CCDC73: variants seen among roughly 807,000 people sequenced by gnomAD.
CCDC73 encodes coiled-coil domain-containing protein 73.
In CCDC73, 95 loss-of-function variants were observed where a neutral mutation model predicts 116.5. The ratio of observed to expected loss-of-function variants is 0.82; its 90% CI spans 0.69 to 0.97. CCDC73 has a LOEUF of 0.97. Among genes scored for constraint, CCDC73 ranks in the 50% least tolerant of loss-of-function variants. The pLI, the probability that CCDC73 is intolerant of heterozygous loss-of-function variation, is 0.00. For missense variants in CCDC73, 1,066 were observed against 1,206.8 expected, an observed-to-expected ratio of 0.88 and a Z score of 1.73; for synonymous variants, 398 against 401.3, an observed-to-expected ratio of 0.99 and a Z score of 0.10.
chr11:32,711,083 A>G (rs1440719543), intron 3 of CCDC73, among the ~76,000 whole-genome samples: 1 of 152,200 alleles, frequency 6.6e-6, no homozygotes, highest in East Asian at 1.9e-4. Flanking sequence ...AATCAAAACC[A>G]CAATGTGATA....
intron 12 of CCDC73, among the ~76,000 whole-genome samples, chr11:32,643,913 C>T (rs1436239098): frequency 1.3e-5 from 2 of 152,012 alleles, no homozygotes; most frequent in African/African-American, 4.8e-5. Context: ...TAACACTTAG[C>T]TTAAAACACA....
chr11:32,819,659 T>C, the CCDC73 span, among the ~76,000 whole-genome samples: 5 of 152,088 alleles, frequency 3.3e-5, no homozygotes, highest in Non-Finnish European at 7.4e-5. Context: ...CAGAGTTTTG[T>C]CATGTTGCCA....
chr11:32,722,159 A>G (rs1849995576), intron 2 of CCDC73, among the ~76,000 whole-genome samples: 1 of 152,164 alleles, frequency 6.6e-6, no homozygotes, highest in Non-Finnish European at 1.5e-5. Context: ...GATTCTGCTC[A>G]TCTTTCCATT....
chr11:32,674,147 G>A (rs1856063877), intron 9 of CCDC73, among the ~76,000 whole-genome samples: 1 of 152,152 alleles, frequency 6.6e-6, no homozygotes, highest in African/African-American at 2.4e-5. Context: ...TAGATCTGGA[G>A]GGGCAAACAG....
At chr11:32,704,541 C>T (rs988772270) in intron 3 of CCDC73, among the ~76,000 whole-genome samples, 2 of 152,154 alleles carry the variant, frequency 1.3e-5, no homozygotes, top group East Asian at 3.9e-4. Flanking sequence ...CCCACAGGTG[C>T]CCCTTGGGAT....
At chr11:32,825,109 T>C in the CCDC73 span, among the ~76,000 whole-genome samples, 1 of 151,808 alleles carries the variant, frequency 6.6e-6, no homozygotes, top group Non-Finnish European at 1.5e-5. Flanking sequence ...AAAACAAAAC[T>C]CTCAGTTTAC....
At chr11:32,625,530 C>G (rs1855562541) in intron 14 of CCDC73, among the ~76,000 whole-genome samples, 1 of 152,090 alleles carries the variant, frequency 6.6e-6, no homozygotes, top group African/African-American at 2.4e-5. Context: ...ATTTCTCCTT[C>G]ACTTATGAAG....
Position 32,613,799 on chromosome 11 carries a change from A to C in CCDC73, c.2519T>G (p.Leu840Ter). The part of the protein sequence containing the change: ...VSINERQHTL[L>*]NNTEKTESLN... ...TGATTCTGTTTTCTCTGTATTATTTAACAATGTATGCTGTCTTTCATTAAT... is the reference window on the plus strand; with the variant it reads ...TGATTCTGTTTTCTCTGTATTATTTCACAATGTATGCTGTCTTTCATTAAT... Residue 840 changes from leucine to a stop codon, truncating the protein, a stop_gained, in exon 16 of 18, where the codon TTA becomes TGA. Coordinates refer to ENST00000335185, the MANE Select transcript of CCDC73 (RefSeq NM_001008391.4). LOFTEE classifies it high-confidence loss of function. The C allele has an allele frequency of 6.2e-7, 1 of 1,613,838 alleles. No individual in the cohort carries two copies. Among genetic ancestry groups the C allele is most frequent in the Non-Finnish European group, 8.5e-7 (1 of 1,179,950 alleles).
chr11:32,670,521 CAAA>C (rs11334231), intron 9 of CCDC73, among the ~76,000 whole-genome samples: 13 of 138,604 alleles, frequency 9.4e-5, no homozygotes, highest in Admixed American at 1.4e-4. Flanking sequence ...GGCTCTGTCT[CAAA>C]AAAAAAAAAA....
chr11:32,613,926 T>A lies in CCDC73; in HGVS notation c.2392A>T (p.Met798Leu). ...QAKDVKTAVH[M>L]KTCTETEFSN... ...AACTCTGTTTCTGTGCAAGTTTTCA[T>A]GTGAACAGCAGTTTTCACATCTTTG... The change falls in exon 16 of 18, where the codon ATG becomes TTG. Residue 798 changes from methionine to leucine, a missense_variant. By Grantham distance (15) the Met-to-Leu change is conservative. Transcript: ENST00000335185. The A allele has an allele frequency of 6.2e-7, 1 of 1,612,334 alleles. No homozygotes were observed. Among genetic ancestry groups the A allele is most frequent in the Non-Finnish European group, 8.5e-7 (1 of 1,179,926 alleles).
chr11:32,770,198 G>A (rs1043537504), intron 1 of CCDC73, among the ~76,000 whole-genome samples: 7 of 152,144 alleles, frequency 4.6e-5, no homozygotes, highest in African/African-American at 1.7e-4. Flanking sequence ...TCTTCACATG[G>A]TTTTCACCCC....
intron 2 of CCDC73, among the ~76,000 whole-genome samples, chr11:32,749,617 T>G (rs929385150): frequency 5.3e-5 from 8 of 152,000 alleles, no homozygotes; most frequent in Admixed American, 2.6e-4. Flanking sequence ...AGTGGGGTAT[T>G]TTTTGTAGTC....
At chr11:32,754,971 T>C (rs1453470468) in intron 2 of CCDC73, among the ~76,000 whole-genome samples, 1 of 138,464 alleles carries the variant, frequency 7.2e-6, no homozygotes, top group Admixed American at 7.9e-5. Flanking sequence ...CACTGCAACC[T>C]CTGTCTCCCG....
rs528158857 is a variant in CCDC73, at chr11:32,765,835, A to C, written c.-15-5577T>G. On this transcript the variant is annotated intron_variant, in intron 1 of 17. Transcript: ENST00000335185. ...AATTAAGAGCCTACCAAACAAAAAA[A>C]CTCCAGGACCAGATGGATTCACAGC... Among the ~76,000 whole-genome samples, 169 of 152,244 alleles carry C rather than the reference A, an allele frequency of 1.1e-3. 5 individuals are homozygous for C. Among genetic ancestry groups the C allele is most frequent in the Admixed American group, 3.3e-4 (5 of 15,282 alleles).
At position 32,675,747 on chromosome 11, in the gene CCDC73, G is replaced by T. The variant is rs191297741; in HGVS notation, c.566-103C>A. 7.2e-4 allele frequency: 839 copies of T among 1,167,498 alleles called. 8 individuals carry two copies. Among genetic ancestry groups the T allele is most frequent in the Middle Eastern group, 7.1e-3 (33 of 4,674 alleles). 72.3% of individuals were successfully genotyped at this position (1,167,498 alleles called of 1,614,324 possible). Reference sequence around the variant, plus strand: ...AAAACAGTAACAATGCAATATATATGTTATTTAATTTAGGTAACAGTTATT... The same window carrying T: ...AAAACAGTAACAATGCAATATATATTTTATTTAATTTAGGTAACAGTTATT... On this transcript the variant is annotated intron_variant, in intron 8 of 17. Coordinates refer to ENST00000335185, the MANE Select transcript of CCDC73 (RefSeq NM_001008391.4).
In CCDC73 at chr11:32,676,010, G is replaced by C. The variant is rs184519338; in HGVS notation, c.441C>G (p.Val147=). 1.4e-4 allele frequency: 220 copies of C among 1,593,314 alleles called. No individual in the cohort carries two copies. The African/African-American group carries it at 2.4e-3, about 18-fold the overall frequency. ...CTTCTTTAGCCAGAAGATGTAACTG[G>C]ACCTTTTGTTCCTATTTTGAAGAGT... ...QKKVSEMEQK[V]QLHLLAKEDY... Residue 147 remains valine (V), a synonymous_variant, in exon 8 of 18, where the codon GTC becomes GTG. Coordinates refer to ENST00000335185, the MANE Select transcript of CCDC73 (RefSeq NM_001008391.4).
In CCDC73 at chr11:32,676,034, G is replaced by A. The variant is rs544425664; in HGVS notation, c.430-13C>T. Reference sequence around the variant, plus strand: ...GGACCTTTTGTTCCTATTTTGAAGAGTAATTTTAAATGTTATACATATAAC... The same window carrying A: ...GGACCTTTTGTTCCTATTTTGAAGAATAATTTTAAATGTTATACATATAAC... On this transcript the variant is annotated splice_polypyrimidine_tract_variant and intron_variant, in intron 7 of 17. Transcript: ENST00000335185. The A allele has an allele frequency of 1.9e-6, 3 of 1,574,460 alleles. No individual in the cohort carries two copies. The highest frequency in any genetic ancestry group is 2.3e-5 in the East Asian group (1 of 43,928).
chr11:32,629,961 C>T (rs899382780), intron 14 of CCDC73, among the ~76,000 whole-genome samples: 9 of 139,310 alleles, frequency 6.5e-5, no homozygotes, highest in Non-Finnish European at 1.1e-4. Context: ...AAAGGAAGTT[C>T]TTCAGGTTGA....
At chr11:32,697,544 C>CGGA (rs1849763366) in intron 6 of CCDC73, among the ~76,000 whole-genome samples, 1 of 136,548 alleles carries the variant, frequency 7.3e-6, no homozygotes, top group South Asian at 2.3e-4. Context: ...AGTACAGTGA[C>CGGA]GTAATCTCCG....
Sources: allele counts gnomAD v4.1 joint callset (sites outside exome capture counted in the v4.1 genomes callset), GRCh38; gene constraint gnomAD v4.1.1; transcripts MANE v1.5; gene names NCBI Gene and HGNC (gene_info 2026-07-23, HGNC 2026-07-21).